Variants in DNAH6 observed in about 807,000 individuals in gnomAD.
The protein encoded by DNAH6 is axonemal beta dynein heavy chain 6.
DNAH6 carries 340 observed loss-of-function variants against 491.4 expected under a neutral mutation model. That is an observed-to-expected ratio of 0.69 (90% CI 0.63 to 0.76). The LOEUF is 0.76. Among genes scored for constraint, DNAH6 ranks in the 30% least tolerant of loss-of-function variants. DNAH6 has a pLI of 0.00. For synonymous variants in DNAH6, 1,603 were observed against 1,686.1 expected (o/e 0.95, Z 1.21); for missense variants, 4,443 against 4,972.2 (o/e 0.89, Z 3.20).
chr2:84,561,193 T>C (rs529231602), intron 11 of DNAH6, among the ~76,000 whole-genome samples: 5 of 152,258 alleles, frequency 3.3e-5, no homozygotes, highest in African/African-American at 1.2e-4. Context: ...AACAGAGATA[T>C]AGATCAATGG....
In DNAH6 at chr2:84,640,498, G is replaced by A; in HGVS notation, c.4890G>A (p.Lys1630=). 1 of 1,550,830 alleles carries A rather than the reference G, an allele frequency of 6.4e-7. No homozygotes were observed. The highest frequency in any genetic ancestry group is 8.7e-7 in the Non-Finnish European group (1 of 1,146,342). ...ILARKMTQMY[K]LCSEQLSQQD... ...CAAGAAAAATGACTCAGATGTATAA[G>A]CTTTGCAGTGAGCAGCTGTCTCAGC... The change falls in exon 32 of 77, where the codon AAG becomes AAA. Residue 1630 remains lysine (K), a synonymous_variant. Transcript: ENST00000389394.
rs983095434 is a variant in DNAH6, at chr2:84,658,554, T to C, written c.5940+80T>C. 3.0e-6 allele frequency: 3 copies of C among 1,009,100 alleles called. No homozygotes were observed. The African/African-American group carries it at 5.1e-5, about 17-fold the overall frequency. 62.5% of individuals were successfully genotyped at this position (1,009,100 alleles called of 1,614,324 possible). The stretch of plus-strand genomic sequence containing the variant: ...GTTCTTTGCAAAGAAATGACTCCAT[T>C]CTAAAATATAACCATTTGATTTTTA... On this transcript the variant is annotated intron_variant, in intron 36 of 76. Transcript: ENST00000389394.
chr2:84,639,482 G>A (rs1340550731), intron 31 of DNAH6, among the ~76,000 whole-genome samples: 3 of 146,832 alleles, frequency 2.0e-5, no homozygotes, highest in African/African-American at 7.6e-5. Context: ...GCAATGGCAC[G>A]ATCTCGGCTC....
At chr2:84,719,331 G>GT (rs1697859887) in intron 59 of DNAH6, among the ~76,000 whole-genome samples, 1 of 151,902 alleles carries the variant, frequency 6.6e-6, no homozygotes, top group African/African-American at 2.4e-5. Context: ...TGGCGGTTGT[G>GT]TGTTAACCCA....
the DNAH6 span, among the ~76,000 whole-genome samples, chr2:84,485,872 C>T: frequency 7.9e-5 from 12 of 151,686 alleles, no homozygotes; most frequent in Non-Finnish European, 1.5e-4. Context: ...GGAAATATTT[C>T]ACGGCACACA....
chr2:84,573,488 G>GA lies in DNAH6; in HGVS notation c.1827dup (p.Ser610IlefsTer10). On this transcript the variant is annotated frameshift_variant, in exon 12 of 77. Transcript: ENST00000389394. LOFTEE classifies it high-confidence loss of function. ...TTAGGAAACCATTCAGGCCGCATTT[G>GA]AATCAGCCCGCATCTATGCAGCTAC... 6.3e-7 allele frequency: 1 copy of GA among 1,584,628 alleles called. No homozygotes were observed. Among genetic ancestry groups the GA allele is most frequent in the African/African-American group, 1.4e-5 (1 of 73,158 alleles).
At chr2:84,766,401 C>CA (rs986166828) in intron 64 of DNAH6, among the ~76,000 whole-genome samples, 23 of 151,950 alleles carry the variant, frequency 1.5e-4, no homozygotes, top group African/African-American at 5.3e-4. Flanking sequence ...TTTTGGGAAA[C>CA]AAAAAAATGC....
chr2:84,661,647 C>A (rs1171718506), intron 37 of DNAH6, among the ~76,000 whole-genome samples: 1 of 152,110 alleles, frequency 6.6e-6, no homozygotes, highest in Admixed American at 6.5e-5. Context: ...AATTTTAAAA[C>A]ATCTGTATAA....
Position 84,577,350 on chromosome 2 carries a change from T to G in DNAH6, c.2018T>G (p.Leu673Arg), listed in dbSNP as rs1682556903. 1 of 1,612,400 alleles carries G rather than the reference T, an allele frequency of 6.2e-7. No individual in the cohort carries two copies. The highest frequency in any genetic ancestry group is 1.1e-5 in the South Asian group (1 of 90,702). ...LRPTRNVGLL[L>R]IDTRLLREKL... ...CCCACCAGAAATGTAGGATTGCTGCTCATTGATACTAGGCTTCTAAGAGAA... is the reference window on the plus strand; with the variant it reads ...CCCACCAGAAATGTAGGATTGCTGCGCATTGATACTAGGCTTCTAAGAGAA... Residue 673 changes from leucine (L) to arginine (R), a missense_variant, in exon 13 of 77, where the codon CTC becomes CGC. Physicochemically the swap from Leu to Arg is moderately radical, Grantham distance 102. Coordinates refer to ENST00000389394, the MANE Select transcript of DNAH6 (RefSeq NM_001370.2).
chr2:84,613,665 G>C (rs1249089485), intron 22 of DNAH6, among the ~76,000 whole-genome samples: 1 of 152,114 alleles, frequency 6.6e-6, no homozygotes, highest in Non-Finnish European at 1.5e-5. Flanking sequence ...AAGTGACAAT[G>C]AGTAGGTATA....
chr2:84,612,038 G>A (rs1363655598), intron 22 of DNAH6, among the ~76,000 whole-genome samples, 184 bp downstream of exon 22: 1 of 152,006 alleles, frequency 6.6e-6, no homozygotes, highest in African/African-American at 2.4e-5. Context: ...AATGTCAACG[G>A]AACACTGGAC....
At chr2:84,526,703 C>G (rs921726252) in intron 3 of DNAH6, among the ~76,000 whole-genome samples, 1 of 151,956 alleles carries the variant, frequency 6.6e-6, no homozygotes, top group Admixed American at 6.6e-5. Flanking sequence ...TGGGTGAGAT[C>G]ATCCTGAAAG....
chr2:84,497,064 G>A, the DNAH6 span, among the ~76,000 whole-genome samples: 142,558 of 151,246 alleles, frequency 0.94, 67,229 homozygotes, highest in East Asian at 1. Context: ...TCCACCTGCC[G>A]GGTTTAAGCA....
intron 64 of DNAH6, among the ~76,000 whole-genome samples, chr2:84,772,271 G>T (rs766431178): frequency 1.3e-5 from 2 of 151,992 alleles, no homozygotes; most frequent in Admixed American, 1.3e-4. Flanking sequence ...ACAAAAAGAA[G>T]GCAGTGATTG....
Position 84,723,350 on chromosome 2 carries a change from T to A in DNAH6, c.9972+546T>A, listed in dbSNP as rs575221426. Among the ~76,000 whole-genome samples the A allele has an allele frequency of 1.4e-3, 207 of 152,246 alleles. 7 individuals are homozygous for A. In the South Asian group the frequency reaches 0.039, roughly 28 times the overall value. ...GTATATATAAAATTTGAATTTTTTTTAAAGATTTGATTGCCCAGTATGCAC... is the reference window on the plus strand; with the variant it reads ...GTATATATAAAATTTGAATTTTTTTAAAAGATTTGATTGCCCAGTATGCAC... On this transcript the variant is annotated intron_variant, in intron 60 of 76. Transcript: ENST00000389394.
intron 63 of DNAH6, among the ~76,000 whole-genome samples, chr2:84,755,415 A>T (rs899872107): frequency 7.2e-5 from 11 of 152,162 alleles, no homozygotes; most frequent in African/African-American, 2.7e-4. Flanking sequence ...CCCAGTCTCA[A>T]GTATTCTATT....
Position 84,587,806 on chromosome 2 carries a change from A to G in DNAH6, c.2482-1020A>G, listed in dbSNP as rs1683715578. Among the ~76,000 whole-genome samples the G allele has an allele frequency of 2.6e-5, 4 of 152,166 alleles. No homozygotes were observed. In the South Asian group the frequency reaches 8.3e-4, roughly 32 times the overall value. On this transcript the variant is annotated intron_variant, in intron 15 of 76. Coordinates refer to ENST00000389394, the MANE Select transcript of DNAH6 (RefSeq NM_001370.2). Reference sequence around the variant, plus strand: ...GGAAGCTTGAATTCCCTCATGGCGAATAGATGGGAGGGGCAGGTCATCTGT... The same window carrying G: ...GGAAGCTTGAATTCCCTCATGGCGAGTAGATGGGAGGGGCAGGTCATCTGT...
At chr2:84,614,995 T>C (rs1455420815) in intron 22 of DNAH6, among the ~76,000 whole-genome samples, 1 of 152,186 alleles carries the variant, frequency 6.6e-6, no homozygotes. Context: ...GCTTGCTGTT[T>C]CTTTTGCTGT....
intron 5 of DNAH6, among the ~76,000 whole-genome samples, chr2:84,546,567 C>G (rs1678816539): frequency 1.3e-5 from 2 of 152,074 alleles, no homozygotes; most frequent in African/African-American, 4.8e-5. Context: ...TTTCAAGGTT[C>G]TTCTTCTATG....
Sources: gnomAD v4.1 joint callset for allele counts (sites outside exome capture counted in the v4.1 genomes callset) on GRCh38, gnomAD v4.1.1 for gene constraint, MANE v1.5 for transcripts, NCBI Gene and HGNC (gene_info 2026-07-23, HGNC 2026-07-21) for gene names.